Variants in STX7 observed in about 807,000 individuals in gnomAD.
The protein encoded by STX7 is syntaxin 7.
STX7 carries 34 observed loss-of-function variants against 39.6 expected under a neutral mutation model. The ratio of observed to expected loss-of-function variants is 0.86; its 90% CI spans 0.65 to 1.14. The LOEUF is 1.14. Ranked by LOEUF, STX7 falls within the 50% of genes most tolerant of loss-of-function variation. The pLI is 0.00. For missense variants in STX7, 284 were observed against 310.4 expected (o/e 0.92, Z 0.64); for synonymous variants, 119 against 99.1 (o/e 1.20, Z -1.19).
rs1437920806 is a variant in STX7, at chr6:132,453,767, A to C, written c.*6991T>G. On this transcript the variant is annotated 3_prime_UTR_variant, in exon 10 of 10. Transcript: ENST00000367941. ...CACTTATCAGAATGACTAAAATAAA[A>C]AAGAGACACCACCAAATGCTGAAAA... 2.0e-5 allele frequency: 3 copies of C among 152,072 alleles called. No individual in the cohort carries two copies. Among genetic ancestry groups the C allele is most frequent in the Non-Finnish European group, 4.4e-5 (3 of 67,978 alleles). 9.4% of individuals were successfully genotyped at this position (152,072 alleles called of 1,614,324 possible). A position where few individuals can be genotyped will look rare whatever the true frequency, so the allele number is the denominator to read the frequency against.
At chr6:132,478,528 C>T (rs1224577897) in intron 2 of STX7, among the ~76,000 whole-genome samples, 1 of 152,114 alleles carries the variant, frequency 6.6e-6, no homozygotes, top group African/African-American at 2.4e-5. Context: ...AAAAATAAAA[C>T]CAAGGGCATT....
intron 9 of STX7, among the ~76,000 whole-genome samples, chr6:132,463,658 G>C (rs1266910413): frequency 1.3e-5 from 2 of 152,138 alleles, no homozygotes; most frequent in Admixed American, 6.5e-5. Context: ...AAATGGGAAG[G>C]AGGGGCCTAT....
chr6:132,474,067 A>G (rs1290669470), intron 3 of STX7, among the ~76,000 whole-genome samples: 1 of 151,798 alleles, frequency 6.6e-6, no homozygotes, highest in Non-Finnish European at 1.5e-5. Context: ...CATCTCTACA[A>G]AAAATACAAA....
intron 2 of STX7, among the ~76,000 whole-genome samples, chr6:132,476,280 A>G (rs2114394256): frequency 6.6e-6 from 1 of 152,344 alleles, no homozygotes; most frequent in African/African-American, 2.4e-5. Context: ...AACTGACATT[A>G]TGAACCTTGT....
chr6:132,468,383 T>C lies in STX7; in HGVS notation c.610+20A>G. 4 of 1,600,732 alleles carry C rather than the reference T, an allele frequency of 2.5e-6. No homozygotes were observed. The highest frequency in any genetic ancestry group is 3.4e-6 in the Non-Finnish European group (4 of 1,170,142). On this transcript the variant is annotated intron_variant, in intron 8 of 9. Transcript: ENST00000367941. ...ATGTAGCTTGCTCTCACCTCCAAAA[T>C]CTAAGTCAGCAGGTCTTACCTATTA...
chr6:132,484,023 A>G (rs948746568), intron 2 of STX7, among the ~76,000 whole-genome samples: 6 of 151,812 alleles, frequency 4.0e-5, no homozygotes, highest in Non-Finnish European at 8.8e-5. Flanking sequence ...CTTTCCAACC[A>G]TAAAAAGAAT....
intron 2 of STX7, among the ~76,000 whole-genome samples, chr6:132,480,546 T>C (rs1044717067): frequency 6.6e-6 from 1 of 152,146 alleles, no homozygotes; most frequent in East Asian, 1.9e-4. Flanking sequence ...CAACTGGTCA[T>C]TTAGGGCCAA....
intron 2 of STX7, among the ~76,000 whole-genome samples, chr6:132,480,481 A>G (rs1270431169): frequency 6.6e-6 from 1 of 152,222 alleles, no homozygotes; most frequent in African/African-American, 2.4e-5. Context: ...TCCATCTCTC[A>G]AGGTGACTTA....
At chr6:132,475,501 A>T (rs1774850779) in intron 3 of STX7, 92 bp downstream of exon 3, 1 of 750,274 alleles carries the variant, frequency 1.3e-6, no homozygotes, top group African/African-American at 1.8e-5. Context: ...TTTTTCTTCC[A>T]GTAAACATAA....
In STX7 at chr6:132,470,588, A is replaced by G. The variant is rs762363057; in HGVS notation, c.426T>C (p.Leu142=). The G allele has an allele frequency of 1.2e-6, 2 of 1,607,678 alleles. No homozygotes were observed. Among genetic ancestry groups the G allele is most frequent in the South Asian group, 1.1e-5 (1 of 90,308 alleles). ...FPEDSSKERN[L]VSWESQTQPQ... ...GTATTTCTTACCTTTCCCAGGATAC[A>G]AGATTCCTTTCTTTTGAGCTGTCCT... Residue 142 remains leucine, a synonymous_variant, in exon 6 of 10, where the codon CTT becomes CTC. Coordinates refer to ENST00000367941, the MANE Select transcript of STX7 (RefSeq NM_003569.3).
intron 1 of STX7, among the ~76,000 whole-genome samples, chr6:132,509,544 A>ATTTACCAC (rs1249110304): frequency 6.6e-6 from 1 of 151,796 alleles, no homozygotes; most frequent in Non-Finnish European, 1.5e-5. Context: ...GAAAAACCAA[A>ATTTACCAC]TTTACCACTT....
Position 132,450,591 on chromosome 6 carries a change from G to A in STX7, c.*10167C>T, listed in dbSNP as rs1031222017. Reference sequence around the variant, plus strand: ...CTCCAGGGGTCAACCAACATTTTCGGTAAAGGGCCAGAAATTTTAAAATTG... The same window carrying A: ...CTCCAGGGGTCAACCAACATTTTCGATAAAGGGCCAGAAATTTTAAAATTG... On this transcript the variant is annotated 3_prime_UTR_variant, in exon 10 of 10. Coordinates refer to ENST00000367941, the MANE Select transcript of STX7 (RefSeq NM_003569.3). 1 of 151,936 alleles carries A rather than the reference G, an allele frequency of 6.6e-6. No homozygotes were observed. The highest frequency in any genetic ancestry group is 1.5e-5 in the Non-Finnish European group (1 of 67,986). The allele number at this position is 151,936 out of a possible 1,614,324, so 9.4% of individuals were successfully genotyped here. A position where few individuals can be genotyped will look rare whatever the true frequency, so the allele number is the denominator to read the frequency against.
chr6:132,510,274 G>T (rs1052543337), intron 1 of STX7, among the ~76,000 whole-genome samples: 1 of 152,170 alleles, frequency 6.6e-6, no homozygotes, highest in African/African-American at 2.4e-5. Flanking sequence ...AATGTTTGAG[G>T]TAATGGATAT....
At position 132,446,528 on chromosome 6, in the gene STX7, T is replaced by C. The variant is rs1774015574; in HGVS notation, c.*14230A>G. On this transcript the variant is annotated 3_prime_UTR_variant, in exon 10 of 10. Coordinates refer to ENST00000367941, the MANE Select transcript of STX7 (RefSeq NM_003569.3). Reference sequence around the variant, plus strand: ...AGTGTGGAAGCTATCAACTATCGCATTGTCCCCAATGTCAGAATGTGCTGA... The same window carrying C: ...AGTGTGGAAGCTATCAACTATCGCACTGTCCCCAATGTCAGAATGTGCTGA... 6.6e-6 allele frequency: 1 copy of C among 152,172 alleles called. No homozygotes were observed. Among genetic ancestry groups the C allele is most frequent in the South Asian group, 2.1e-4 (1 of 4,836 alleles). 9.4% of individuals were successfully genotyped at this position (152,172 alleles called of 1,614,324 possible).
At chr6:132,481,926 C>A (rs1775024476) in intron 2 of STX7, among the ~76,000 whole-genome samples, 1 of 151,782 alleles carries the variant, frequency 6.6e-6, no homozygotes, top group African/African-American at 2.4e-5. Context: ...TTTGGAGATT[C>A]AAACCTCTAA....
At chr6:132,463,002 G>A (rs1774449949) in intron 9 of STX7, among the ~76,000 whole-genome samples, 1 of 152,126 alleles carries the variant, frequency 6.6e-6, no homozygotes, top group South Asian at 2.1e-4. Context: ...TGGGTGGATC[G>A]CTTGAGCCCA....
rs1246767536 is a variant in STX7, at chr6:132,454,183, T to A, written c.*6575A>T. 1 of 151,604 alleles carries A rather than the reference T, an allele frequency of 6.6e-6. No individual in the cohort carries two copies. The highest frequency in any genetic ancestry group is 2.4e-5 in the African/African-American group (1 of 41,206). The allele number at this position is 151,604 out of a possible 1,614,324, so 9.4% of individuals were successfully genotyped here. Reference sequence around the variant, plus strand: ...TGAAAAAAAGCCAATCCCAAAAGGTTACATATTATTATGATTCCAGTTATA... The same window carrying A: ...TGAAAAAAAGCCAATCCCAAAAGGTAACATATTATTATGATTCCAGTTATA... On this transcript the variant is annotated 3_prime_UTR_variant, in exon 10 of 10. Coordinates refer to ENST00000367941, the MANE Select transcript of STX7 (RefSeq NM_003569.3).
chr6:132,454,610 G>A lies in STX7; in HGVS notation c.*6148C>T, dbSNP rs951971972. The A allele has an allele frequency of 3.3e-5, 5 of 152,098 alleles. No individual in the cohort carries two copies. The highest frequency in any genetic ancestry group is 1.2e-4 in the African/African-American group (5 of 41,422). The allele number at this position is 152,098 out of a possible 1,614,324, so 9.4% of individuals were successfully genotyped here. On this transcript the variant is annotated 3_prime_UTR_variant, in exon 10 of 10. Coordinates refer to ENST00000367941, the MANE Select transcript of STX7 (RefSeq NM_003569.3). ...AATGTCCATACCATTCCAAAGGAAAGTATTGGTCACATACTCCATTCTAGA... is the reference window on the plus strand; with the variant it reads ...AATGTCCATACCATTCCAAAGGAAAATATTGGTCACATACTCCATTCTAGA...
At chr6:132,466,686 A>G (rs1212840387) in intron 8 of STX7, among the ~76,000 whole-genome samples, 1 of 152,136 alleles carries the variant, frequency 6.6e-6, no homozygotes, top group African/African-American at 2.4e-5. Flanking sequence ...TCCCCTGCCC[A>G]GACTTCTCCC....
Sources: gnomAD v4.1 joint callset for allele counts (sites outside exome capture counted in the v4.1 genomes callset) on GRCh38, gnomAD v4.1.1 for gene constraint, MANE v1.5 for transcripts, NCBI Gene and HGNC (gene_info 2026-07-23, HGNC 2026-07-21) for gene names.